The following LARGE1 variants were observed in gnomAD, a reference collection of about 807,000 sequenced individuals.
LARGE1 encodes the protein LARGE xylosyl- and glucuronyltransferase 1.
In LARGE1, 43 loss-of-function variants were observed where a neutral mutation model predicts 87.6. The observed-to-expected ratio is 0.49, with a 90% confidence interval of 0.38 to 0.63. LARGE1 has a LOEUF of 0.63. LARGE1 is among the 30% of genes least tolerant of loss of function. The pLI is 0.00. For synonymous variants in LARGE1, 434 were observed against 394.6 expected (o/e 1.10, Z -1.18); for missense variants, 802 against 1,000.2 (o/e 0.80, Z 2.67).
At chr22:33,600,321 C>T (rs558372499) in intron 5 of LARGE1, among the ~76,000 whole-genome samples, 28 of 152,250 alleles carry the variant, frequency 1.8e-4, no homozygotes, top group South Asian at 4.1e-4. Flanking sequence ...CTTTAAAAGC[C>T]TCACGTCAGG....
At chr22:33,659,744 T>A (rs866120350) in intron 2 of LARGE1, among the ~76,000 whole-genome samples, 5 of 122,072 alleles carry the variant, frequency 4.1e-5, no homozygotes, top group Non-Finnish European at 5.0e-5. Flanking sequence ...GAAGAACAGT[T>A]AAAAAAAAAA....
chr22:33,467,312 A>T (rs1276751136), intron 6 of LARGE1, among the ~76,000 whole-genome samples: 1 of 152,186 alleles, frequency 6.6e-6, no homozygotes, highest in Non-Finnish European at 1.5e-5. Flanking sequence ...TTGGCTGATA[A>T]GGGACCCAGT....
At chr22:33,285,383 C>T (rs1245845445) in intron 12 of LARGE1, among the ~76,000 whole-genome samples, 7 of 152,234 alleles carry the variant, frequency 4.6e-5, no homozygotes, top group African/African-American at 1.4e-4. Flanking sequence ...CCCAGCCCTT[C>T]GGGAGGCTTA....
At position 33,461,692 on chromosome 22, in the gene LARGE1, C is replaced by CA. The variant is rs59692721; in HGVS notation, c.788-29428dup. Among the ~76,000 whole-genome samples, 217 of 142,622 alleles carry CA rather than the reference C, an allele frequency of 1.5e-3. 1 individual carries two copies. Among genetic ancestry groups the CA allele is most frequent in the East Asian group, 4.9e-3 (24 of 4,900 alleles). The allele number at this position is 142,622 out of a possible 152,430, so 93.6% of individuals were successfully genotyped here. On this transcript the variant is annotated intron_variant, in intron 6 of 14. Coordinates refer to ENST00000397394, the MANE Select transcript of LARGE1 (RefSeq NM_133642.5). ...AAAAAAGAAAAAAAAAGAGAAATTACAAAAAAAAAAAATGTTATGACCTAT... is the reference window on the plus strand; with the variant it reads ...AAAAAAGAAAAAAAAAGAGAAATTACAAAAAAAAAAAAATGTTATGACCTAT...
intron 4 of LARGE1, among the ~76,000 whole-genome samples, chr22:33,619,294 C>T (rs570698293): frequency 2.6e-5 from 4 of 152,222 alleles, no homozygotes; most frequent in African/African-American, 9.6e-5. Flanking sequence ...GTGGCTCACA[C>T]CTGTCATCCC....
At chr22:33,157,968 TGAA>T (rs1403553695), downstream of LARGE1, among the ~76,000 whole-genome samples, 1 of 152,108 alleles carries the variant, frequency 6.6e-6, no homozygotes, top group Non-Finnish European at 1.5e-5. Flanking sequence ...CATGAATAAA[TGAA>T]GAATACCAAA....
At chr22:33,592,177 CT>C (rs1467178970) in intron 5 of LARGE1, among the ~76,000 whole-genome samples, 1 of 151,780 alleles carries the variant, frequency 6.6e-6, no homozygotes, top group African/African-American at 2.4e-5. Context: ...CTTTGTTTTC[CT>C]CTATAAGTTC....
At chr22:33,247,468 T>A (rs542581854) in intron 11 of LARGE1, among the ~76,000 whole-genome samples, 10 of 152,364 alleles carry the variant, frequency 6.6e-5, no homozygotes, top group African/African-American at 2.4e-4. Flanking sequence ...TTATTGATGA[T>A]GTTTGAAAAA....
chr22:33,610,755 T>A (rs943888203), intron 4 of LARGE1, among the ~76,000 whole-genome samples: 1 of 152,018 alleles, frequency 6.6e-6, no homozygotes, highest in Admixed American at 6.6e-5. Flanking sequence ...ATTTCAGAAG[T>A]CTTCCAGGCT....
At chr22:33,203,145 A>AAGAGAGAGAG (rs202068561) in intron 11 of LARGE1, among the ~76,000 whole-genome samples, 3 of 128,436 alleles carry the variant, frequency 2.3e-5, no homozygotes, top group Non-Finnish European at 5.2e-5. Flanking sequence ...ATGAGAGAGA[A>AAGAGAGAGAG]AGAGAGAGAC....
rs118037769 is a variant in LARGE1, at chr22:33,575,112, C to T, written c.616-10093G>A. ...GAAATCCGTATTTTAAAACCAGCAC[C>T]CCGGGTGATTCAAAAGCAAGTCTCC... On this transcript the variant is annotated intron_variant, in intron 5 of 14. Coordinates refer to ENST00000397394, the MANE Select transcript of LARGE1 (RefSeq NM_133642.5). Among the ~76,000 whole-genome samples the T allele has an allele frequency of 1.0e-3, 153 of 152,068 alleles. 4 individuals carry two copies. The East Asian group carries it at 0.028, about 28-fold the overall frequency.
chr22:33,188,003 AGT>A, intron 11 of LARGE1, among the ~76,000 whole-genome samples: 1 of 147,750 alleles, frequency 6.8e-6, no homozygotes, highest in Non-Finnish European at 1.5e-5. Flanking sequence ...ACAAAAAAAT[AGT>A]GTGTGCGGTA....
downstream of LARGE1, among the ~76,000 whole-genome samples, chr22:33,272,115 A>T (rs984015358): frequency 2.6e-4 from 40 of 152,242 alleles, no homozygotes; most frequent in East Asian, 3.8e-4. Context: ...GCAAAATTTT[A>T]AAAATAAAAA....
chr22:33,696,077 G>A (rs1031153118), intron 2 of LARGE1, among the ~76,000 whole-genome samples: 7 of 151,986 alleles, frequency 4.6e-5, no homozygotes, highest in Non-Finnish European at 1.0e-4. Context: ...TTTACTGACC[G>A]CTTGGTGAGT....
intron 6 of LARGE1, among the ~76,000 whole-genome samples, chr22:33,518,168 G>A (rs1234222586): frequency 3.3e-5 from 5 of 152,210 alleles, no homozygotes; most frequent in Non-Finnish European, 7.3e-5. Context: ...TATGCTGAGC[G>A]CTGCTCTAAA....
chr22:33,226,020 A>G (rs1003659828), intron 11 of LARGE1, among the ~76,000 whole-genome samples: 1 of 152,198 alleles, frequency 6.6e-6, no homozygotes, highest in African/African-American at 2.4e-5. Context: ...TGCAATAAAC[A>G]TTTGCATGCA....
chr22:33,786,053 A>G (rs1224816601), intron 1 of LARGE1, among the ~76,000 whole-genome samples: 3 of 152,116 alleles, frequency 2.0e-5, no homozygotes, highest in Non-Finnish European at 2.9e-5. Flanking sequence ...CATCTTTATT[A>G]TTTTTATTTT....
At chr22:33,501,976 T>C (rs1314873370) in intron 6 of LARGE1, among the ~76,000 whole-genome samples, 1 of 152,112 alleles carries the variant, frequency 6.6e-6, no homozygotes, top group Non-Finnish European at 1.5e-5. Flanking sequence ...GCAGATCACC[T>C]GAGGTCAGGA....
intron 9 of LARGE1, among the ~76,000 whole-genome samples, chr22:33,373,715 C>T (rs1477663238): frequency 1.3e-5 from 2 of 152,022 alleles, no homozygotes; most frequent in African/African-American, 4.8e-5. Context: ...TGGCTTATGC[C>T]TGTAATCCCA....
Sources: allele counts gnomAD v4.1 joint callset (sites outside exome capture counted in the v4.1 genomes callset), GRCh38; gene constraint gnomAD v4.1.1; transcripts MANE v1.5; gene names NCBI Gene and HGNC (gene_info 2026-07-23, HGNC 2026-07-21).